Variants in DLG1 observed in about 807,000 individuals in gnomAD.
DLG1 encodes the protein discs large MAGUK scaffold protein 1.
In DLG1, 42 loss-of-function variants were observed where a neutral mutation model predicts 123.4. The observed-to-expected ratio is 0.34, with a 90% CI of 0.27 to 0.44. The LOEUF is 0.44. Ranked by LOEUF, DLG1 falls within the 20% of genes least tolerant of loss-of-function variation. DLG1 has a pLI of 1.00. For synonymous variants in DLG1, 317 were observed against 356.2 expected, an observed-to-expected ratio of 0.89 and a Z score of 1.24; for missense variants, 942 against 1,082.6, an observed-to-expected ratio of 0.87 and a Z score of 1.82.
intron 4 of DLG1, among the ~76,000 whole-genome samples, chr3:197,270,486 A>G (rs1579081302): frequency 6.6e-6 from 1 of 152,220 alleles, no homozygotes; most frequent in East Asian, 1.9e-4. Flanking sequence ...GAAGGAACAG[A>G]AGTTCATCCC....
intron 4 of DLG1, among the ~76,000 whole-genome samples, chr3:197,254,592 A>G (rs1371841757): frequency 1.3e-5 from 2 of 152,246 alleles, no homozygotes; most frequent in Non-Finnish European, 2.9e-5. Context: ...CACAGATGTT[A>G]GAACTATTAT....
At chr3:197,180,169 C>A (rs914728542) in intron 5 of DLG1, among the ~76,000 whole-genome samples, 5 of 150,374 alleles carry the variant, frequency 3.3e-5, no homozygotes, top group African/African-American at 1.2e-4. Context: ...TTCAAAATGA[C>A]TGAACACTTC....
intron 5 of DLG1, among the ~76,000 whole-genome samples, chr3:197,174,287 C>G (rs1238610639): frequency 1.3e-5 from 2 of 152,100 alleles, no homozygotes; most frequent in Non-Finnish European, 2.9e-5. Context: ...TGTTGCAATT[C>G]TTAGTCTACA....
chr3:197,087,841 T>C (rs1755327660), intron 15 of DLG1, among the ~76,000 whole-genome samples: 1 of 152,152 alleles, frequency 6.6e-6, no homozygotes, highest in Admixed American at 6.5e-5. Flanking sequence ...AAACACTGTA[T>C]GTAGCACTTA....
chr3:197,060,813 T>C lies in DLG1; in HGVS notation c.2374-815A>G, dbSNP rs149868277. Among the ~76,000 whole-genome samples the C allele has an allele frequency of 7.6e-3, 1,165 of 152,342 alleles. 12 individuals carry two copies. Among genetic ancestry groups the C allele is most frequent in the African/African-American group, 0.026 (1,082 of 41,580 alleles). On this transcript the variant is annotated intron_variant, in intron 22 of 24. Transcript: ENST00000667157. ...TTTGAAATCAGGCCCTCCCCGATAA[T>C]GCAACTTCAGTTTTTTGTTTGTTTG...
chr3:197,274,774 T>C (rs1765600965), intron 4 of DLG1, among the ~76,000 whole-genome samples: 1 of 152,162 alleles, frequency 6.6e-6, no homozygotes, highest in South Asian at 2.1e-4. Flanking sequence ...AAAGCAAGTA[T>C]CTGATTTTGA....
At chr3:197,124,520 C>T (rs974595008) in intron 11 of DLG1, among the ~76,000 whole-genome samples, 11 of 152,160 alleles carry the variant, frequency 7.2e-5, no homozygotes, top group South Asian at 4.1e-4. Flanking sequence ...ATGCTCCGCC[C>T]GCCTCGGCCT....
chr3:197,147,446 A>G lies in DLG1; in HGVS notation c.537+2297T>C, dbSNP rs1046470326. 4.5e-3 allele frequency among the ~76,000 whole-genome samples: 661 copies of G among 147,594 alleles called. 8 individuals are homozygous for G. Among genetic ancestry groups the G allele is most frequent in the African/African-American group, 0.016 (638 of 38,812 alleles). ...ATATATGGTGTGCACACACACACACACACACACACACACACACACACACAC... is the reference window on the plus strand; with the variant it reads ...ATATATGGTGTGCACACACACACACGCACACACACACACACACACACACAC... On this transcript the variant is annotated intron_variant, in intron 6 of 24. Transcript: ENST00000667157.
At chr3:197,264,549 C>T (rs1409594462) in intron 4 of DLG1, among the ~76,000 whole-genome samples, 1 of 152,144 alleles carries the variant, frequency 6.6e-6, no homozygotes, top group Admixed American at 6.5e-5. Context: ...GCCTCAGCCT[C>T]CCGAGTAGCT....
At chr3:197,256,987 G>A (rs1238013485) in intron 4 of DLG1, among the ~76,000 whole-genome samples, 1 of 151,980 alleles carries the variant, frequency 6.6e-6, no homozygotes, top group Admixed American at 6.6e-5. Flanking sequence ...TTCTATTACA[G>A]GTTACTGAAC....
intron 17 of DLG1, among the ~76,000 whole-genome samples, chr3:197,078,186 C>A (rs1560506662): frequency 6.7e-6 from 1 of 149,954 alleles, no homozygotes; most frequent in South Asian, 2.1e-4. Context: ...CAGTGGTGTG[C>A]GACTGTAGTC....
At chr3:197,277,225 A>C (rs748449549) in intron 4 of DLG1, among the ~76,000 whole-genome samples, 1 of 149,092 alleles carries the variant, frequency 6.7e-6, no homozygotes, top group Non-Finnish European at 1.5e-5. Context: ...TTTTTTTTTT[A>C]ACCTTTGAAT....
In DLG1 at chr3:197,198,412, G is replaced by A. The variant is rs112777702; in HGVS notation, c.319-3823C>T. 2.4e-4 allele frequency among the ~76,000 whole-genome samples: 36 copies of A among 149,866 alleles called. 1 individual carries two copies. Among genetic ancestry groups the A allele is most frequent in the African/African-American group, 5.6e-4 (23 of 41,022 alleles). The stretch of plus-strand genomic sequence containing the variant: ...CTGAGGCAGAGAATCGTTTGAAGCC[G>A]GGAAGTGGAGGTTGCAGTGAGTCGA... On this transcript the variant is annotated intron_variant, in intron 4 of 24. Transcript: ENST00000667157.
chr3:197,076,719 T>G (rs1747508377), intron 17 of DLG1, 34 bp from the exon 18 acceptor site: 2 of 1,533,418 alleles, frequency 1.3e-6, no homozygotes, highest in East Asian at 4.5e-5. Flanking sequence ...AACAAAGGGA[T>G]GTCTACTGTC....
chr3:197,098,192 C>T (rs1161441211), intron 14 of DLG1, among the ~76,000 whole-genome samples: 7 of 152,226 alleles, frequency 4.6e-5, no homozygotes. Flanking sequence ...TTGCTAATTC[C>T]TTAAAAGTTC....
intron 4 of DLG1, among the ~76,000 whole-genome samples, chr3:197,280,754 A>G (rs1319869606): frequency 6.6e-6 from 1 of 152,218 alleles, no homozygotes; most frequent in Non-Finnish European, 1.5e-5. Context: ...CAATTCTCTT[A>G]AAGTTTAACA....
chr3:197,107,839 C>A (rs1167860081), intron 13 of DLG1, among the ~76,000 whole-genome samples: 2 of 150,454 alleles, frequency 1.3e-5, no homozygotes, highest in African/African-American at 2.4e-5. Flanking sequence ...ATTTCTAGAA[C>A]CTCCAGGACA....
At chr3:197,231,686 C>T (rs1253419754) in intron 4 of DLG1, among the ~76,000 whole-genome samples, 3 of 131,726 alleles carry the variant, frequency 2.3e-5, no homozygotes, top group Non-Finnish European at 4.9e-5. Context: ...GGGAAGAGAA[C>T]CAGACCCTGT....
In DLG1 at chr3:197,141,484, G is replaced by A. The variant is rs183297217; in HGVS notation, c.589-1220C>T. On this transcript the variant is annotated intron_variant, in intron 7 of 24. Coordinates refer to ENST00000667157, the MANE Select transcript of DLG1 (RefSeq NM_001366207.1). ...TCCAGTAGCCACCCAACTTGAGCAA[G>A]TGATCCGAATTTAAGTAGATGGCAA... 2.7e-4 allele frequency among the ~76,000 whole-genome samples: 41 copies of A among 152,290 alleles called. 1 individual carries two copies. In the East Asian group the frequency reaches 7.9e-3, roughly 29 times the overall value.
Sources: gnomAD v4.1 joint callset for allele counts (sites outside exome capture counted in the v4.1 genomes callset) on GRCh38, gnomAD v4.1.1 for gene constraint, MANE v1.5 for transcripts, NCBI Gene and HGNC (gene_info 2026-07-23, HGNC 2026-07-21) for gene names.